The following ADGRB3 variants were observed in gnomAD, a reference collection of about 807,000 sequenced individuals.
ADGRB3 encodes adhesion G protein-coupled receptor B3.
In ADGRB3, 37 loss-of-function variants were observed where a neutral mutation model predicts 193.4. The observed-to-expected ratio is 0.19, with a 90% CI of 0.15 to 0.25. The LOEUF (loss-of-function observed/expected upper bound fraction) is 0.25, where lower values mean the gene tolerates loss of function less well. Ranked by LOEUF, ADGRB3 falls within the 10% of genes least tolerant of loss-of-function variation. The pLI is 1.00. For synonymous variants in ADGRB3, 690 were observed against 644.2 expected (o/e 1.07, Z -1.08); for missense variants, 1,637 against 1,852.9 (o/e 0.88, Z 2.14).
rs766919622 is a variant in ADGRB3, at chr6:69,014,060, A to G, written c.1952A>G (p.Asn651Ser). The G allele has an allele frequency of 6.3e-7, 1 of 1,599,314 alleles. No homozygotes were observed. Among genetic ancestry groups the G allele is most frequent in the Non-Finnish European group, 8.5e-7 (1 of 1,169,830 alleles). Residue 651 changes from asparagine to serine, a missense_variant, in exon 12 of 32, where the codon AAC (asparagine) becomes AGC (serine). Around this residue, in one of 7 missense-constraint regions of ADGRB3, gnomAD observed 641 missense variants for 673.9 expected, o/e 0.95. Coordinates refer to ENST00000370598, the MANE Select transcript of ADGRB3 (RefSeq NM_001704.3). ...GVQNFFQIVS[N>S]LLDEENKEKW... ...CAGAACTTCTTTCAAATAGTTAGCA[A>G]CCTTCTAGATGAAGAAAACAAGGAA...
At chr6:68,648,470 TTG>T (rs1348522062) in intron 3 of ADGRB3, among the ~76,000 whole-genome samples, 3,067 of 143,328 alleles carry the variant, frequency 0.021, 101 homozygotes, top group African/African-American at 0.075. Flanking sequence ...GTGAGTTTTT[TTG>T]TTTTTTTTTT....
chr6:69,108,380 G>A (rs1198922207), intron 17 of ADGRB3, among the ~76,000 whole-genome samples: 1 of 131,088 alleles, frequency 7.6e-6, no homozygotes, highest in Non-Finnish European at 1.6e-5. Context: ...GGCATGGCAA[G>A]CTTCTTGTTT....
chr6:69,074,759 A>C (rs545067361), intron 16 of ADGRB3, among the ~76,000 whole-genome samples: 3 of 151,782 alleles, frequency 2.0e-5, no homozygotes, highest in Non-Finnish European at 4.4e-5. Flanking sequence ...GTTAGCCAGG[A>C]TGGTCTCAAT....
At chr6:69,330,653 G>C in intron 23 of ADGRB3, 81 bp downstream of exon 23, 1 of 1,173,796 alleles carries the variant, frequency 8.5e-7, no homozygotes. Flanking sequence ...TGGCAATTTT[G>C]ATAATGTAGT....
rs796157336 is a variant in ADGRB3 at position 68,768,845 on chromosome 6, GA to G, written c.757+129424del. On this transcript the variant is annotated intron_variant, in intron 3 of 31. Coordinates refer to ENST00000370598, the MANE Select transcript of ADGRB3 (RefSeq NM_001704.3). ...ACAAGGAACTTAAACAAATTTACAAGAAAAAAAAAAACTCATCAAAAAGTGG... is the reference window on the plus strand; with the variant it reads ...ACAAGGAACTTAAACAAATTTACAAGAAAAAAAAAACTCATCAAAAAGTGG... 7.0e-3 allele frequency among the ~76,000 whole-genome samples: 974 copies of G among 140,074 alleles called. 9 individuals carry two copies. The highest frequency in any genetic ancestry group is 0.023 in the African/African-American group (868 of 38,398). The allele number at this position is 140,074 out of a possible 152,430, so 91.9% of individuals were successfully genotyped here.
chr6:69,262,951 C>T (rs926381349), intron 20 of ADGRB3, among the ~76,000 whole-genome samples: 2 of 151,730 alleles, frequency 1.3e-5, no homozygotes, highest in Admixed American at 6.6e-5. Flanking sequence ...TTACATATAG[C>T]GTTTTCTAAA....
At chr6:68,912,709 T>G (rs1226108338) in intron 3 of ADGRB3, among the ~76,000 whole-genome samples, 1 of 152,188 alleles carries the variant, frequency 6.6e-6, no homozygotes, top group Admixed American at 6.5e-5. Flanking sequence ...CATCATTTTT[T>G]ATGGCTGCAT....
At chr6:69,035,714 A>G (rs537197949) in intron 13 of ADGRB3, among the ~76,000 whole-genome samples, 1 of 152,302 alleles carries the variant, frequency 6.6e-6, no homozygotes, top group African/African-American at 2.4e-5. Context: ...GAGTTGTTTT[A>G]ATTTAGATAG....
At chr6:68,930,129 A>T (rs1767298454) in intron 3 of ADGRB3, among the ~76,000 whole-genome samples, 1 of 151,754 alleles carries the variant, frequency 6.6e-6, no homozygotes, top group South Asian at 2.1e-4. Flanking sequence ...AAGTTACAGG[A>T]CTGAGTAATC....
intron 6 of ADGRB3, among the ~76,000 whole-genome samples, chr6:68,944,952 C>T (rs1026639478): frequency 6.6e-6 from 1 of 152,180 alleles, no homozygotes; most frequent in African/African-American, 2.4e-5. Context: ...AGCAACATAG[C>T]TGGGATCCCA....
At chr6:68,747,285 C>T (rs964777830) in intron 3 of ADGRB3, among the ~76,000 whole-genome samples, 3 of 152,032 alleles carry the variant, frequency 2.0e-5, no homozygotes, top group Non-Finnish European at 2.9e-5. Flanking sequence ...TGTGTGTAAG[C>T]GGCCCTATGT....
At chr6:69,108,967 G>A (rs1019098611) in intron 17 of ADGRB3, among the ~76,000 whole-genome samples, 1 of 152,126 alleles carries the variant, frequency 6.6e-6, no homozygotes, top group Non-Finnish European at 1.5e-5. Flanking sequence ...GTATAAACTG[G>A]AAGTGTCTTG....
intron 11 of ADGRB3, among the ~76,000 whole-genome samples, chr6:69,008,134 A>G (rs1305408651): frequency 1.3e-5 from 2 of 152,162 alleles, no homozygotes; most frequent in Admixed American, 6.5e-5. Context: ...TTACATTGTC[A>G]ACAGCTGAAT....
At chr6:68,657,824 CTA>C (rs1353544974) in intron 3 of ADGRB3, among the ~76,000 whole-genome samples, 11 of 151,264 alleles carry the variant, frequency 7.3e-5, no homozygotes, top group Non-Finnish European at 1.3e-4. Flanking sequence ...CCTAATATAT[CTA>C]TTTTGATTAA....
intron 30 of ADGRB3, among the ~76,000 whole-genome samples, chr6:69,378,761 A>C (rs951014565): frequency 3.9e-5 from 6 of 151,992 alleles, no homozygotes; most frequent in Non-Finnish European, 5.9e-5. Flanking sequence ...GAAATATGCT[A>C]TCAGACTTGG....
At chr6:69,041,910 A>C (rs913662587) in intron 13 of ADGRB3, among the ~76,000 whole-genome samples, 2 of 152,156 alleles carry the variant, frequency 1.3e-5, no homozygotes, top group African/African-American at 4.8e-5. Flanking sequence ...TTAAATGTTA[A>C]CTAAGTGATA....
chr6:69,040,313 C>CTTTCTT (rs1770995919), intron 13 of ADGRB3, among the ~76,000 whole-genome samples: 1 of 36,734 alleles, frequency 2.7e-5, no homozygotes, highest in Admixed American at 4.3e-4. Context: ...CTGTCTCTTT[C>CTTTCTT]TTTCTTTCTT....
chr6:69,318,120 A>G (rs1768358817), intron 20 of ADGRB3, among the ~76,000 whole-genome samples: 1 of 151,388 alleles, frequency 6.6e-6, no homozygotes, highest in East Asian at 1.9e-4. Flanking sequence ...ACAACTTAGA[A>G]TAATAGAAGT....
intron 17 of ADGRB3, among the ~76,000 whole-genome samples, chr6:69,165,298 G>T (rs1775102035): frequency 6.6e-6 from 1 of 151,996 alleles, no homozygotes; most frequent in Admixed American, 6.6e-5. Context: ...AGAGGTGCAA[G>T]AACCCTAAAT....
Sources: gnomAD v4.1 joint callset for allele counts (sites outside exome capture counted in the v4.1 genomes callset) on GRCh38, gnomAD v4.1.1 for gene constraint, gnomAD v4.1.1 regional missense constraint, MANE v1.5 for transcripts, NCBI Gene and HGNC (gene_info 2026-07-23, HGNC 2026-07-21) for gene names.